CDS1: variants seen among roughly 807,000 people sequenced by gnomAD.
The protein encoded by CDS1 is CDP-diacylglycerol synthase 1.
In CDS1, 41 loss-of-function variants were observed where a neutral mutation model predicts 62.1. The ratio of observed to expected loss-of-function variants is 0.66; its 90% CI spans 0.51 to 0.86. CDS1 has a LOEUF of 0.86. Ranked by LOEUF, CDS1 falls within the 40% of genes least tolerant of loss-of-function variation. The pLI is 0.00. For synonymous variants in CDS1, 185 were observed against 192.6 expected (o/e 0.96, Z 0.32); for missense variants, 470 against 550.1 (o/e 0.85, Z 1.46).
intron 1 of CDS1, among the ~76,000 whole-genome samples, chr4:84,601,188 G>C (rs200260111): frequency 1.4e-5 from 1 of 73,822 alleles, no homozygotes; most frequent in African/African-American, 4.8e-5. Context: ...AAAAAAAAAA[G>C]AGCAAAAGAA....
At chr4:84,584,492 C>T (rs1722355938) in intron 1 of CDS1, among the ~76,000 whole-genome samples, 1 of 152,182 alleles carries the variant, frequency 6.6e-6, no homozygotes, top group Non-Finnish European at 1.5e-5. Context: ...AGGTGGATTG[C>T]CCAAGGTCAA....
chr4:84,609,694 T>A (rs1403196379), intron 3 of CDS1, among the ~76,000 whole-genome samples, 169 bp downstream of exon 3: 1 of 152,206 alleles, frequency 6.6e-6, no homozygotes, highest in Non-Finnish European at 1.5e-5. Flanking sequence ...AACTTAATCT[T>A]TTCTGTTTGC....
chr4:84,604,657 C>T (rs1465715865), intron 2 of CDS1, among the ~76,000 whole-genome samples: 1 of 152,190 alleles, frequency 6.6e-6, no homozygotes, highest in Non-Finnish European at 1.5e-5. Context: ...ATTCTGAAGC[C>T]TGTGATCTAT....
rs138369864 is a variant in CDS1, at chr4:84,609,477, G to T, written c.294G>T (p.Ser98=). ...IRGILTLTMI[S]LFFLIIYMGS... ...GAATTCTCACTCTAACTATGATCTC[G>T]TTGTTTTTCCTGATCATCTATATGG... The change falls in exon 3 of 13, where the codon TCG becomes TCT. Residue 98 remains serine, a synonymous_variant. Transcript: ENST00000295887. 6 of 1,611,404 alleles carry T rather than the reference G, an allele frequency of 3.7e-6. No individual in the cohort carries two copies. Among genetic ancestry groups the T allele is most frequent in the African/African-American group, 1.3e-5 (1 of 74,850 alleles).
At chr4:84,628,775 T>G (rs897732065) in intron 5 of CDS1, among the ~76,000 whole-genome samples, 7 of 152,190 alleles carry the variant, frequency 4.6e-5, no homozygotes, top group African/African-American at 1.7e-4. Flanking sequence ...CCTCAAGCAG[T>G]CCTCCTTCCT....
chr4:84,604,842 T>G (rs1367306310), intron 2 of CDS1, among the ~76,000 whole-genome samples: 4 of 152,164 alleles, frequency 2.6e-5, no homozygotes, highest in African/African-American at 9.7e-5. Context: ...GGTCTTAAAC[T>G]CCTGGGCTCA....
Position 84,609,477 on chromosome 4 carries a change from G to A in CDS1, c.294G>A (p.Ser98=), listed in dbSNP as rs138369864. 606 of 1,611,504 alleles carry A rather than the reference G, an allele frequency of 3.8e-4. 2 individuals are homozygous for A. The highest frequency in any genetic ancestry group is 3.1e-3 in the African/African-American group (235 of 74,968). The part of the protein sequence containing the change: ...IRGILTLTMI[S]LFFLIIYMGS... ...GAATTCTCACTCTAACTATGATCTC[G>A]TTGTTTTTCCTGATCATCTATATGG... is the stretch of plus-strand genomic sequence containing the variant. The change falls in exon 3 of 13, where the codon TCG becomes TCA. Residue 98 remains serine (S), a synonymous_variant. Coordinates refer to ENST00000295887, the MANE Select transcript of CDS1 (RefSeq NM_001263.4).
chr4:84,644,064 G>C (rs982716852), intron 11 of CDS1, among the ~76,000 whole-genome samples: 1 of 152,160 alleles, frequency 6.6e-6, no homozygotes, highest in Non-Finnish European at 1.5e-5. Context: ...GTGTGGCTGT[G>C]GTTGAGAGTA....
chr4:84,620,023 TAAAAA>T (rs34828724), intron 5 of CDS1, among the ~76,000 whole-genome samples: 1 of 121,390 alleles, frequency 8.2e-6, no homozygotes, highest in African/African-American at 3.0e-5. Flanking sequence ...AACTCTTATC[TAAAAA>T]AAAAAAAAAA....
At chr4:84,586,922 A>G (rs1230819762) in intron 1 of CDS1, among the ~76,000 whole-genome samples, 1 of 152,194 alleles carries the variant, frequency 6.6e-6, no homozygotes, top group South Asian at 2.1e-4. Context: ...TTTGTATGAA[A>G]GTCAAATGAG....
At chr4:84,643,220 C>T (rs1031949154) in intron 11 of CDS1, 77 bp downstream of exon 11, 50 of 1,426,382 alleles carry the variant, frequency 3.5e-5, no homozygotes, top group Non-Finnish European at 4.3e-5. Flanking sequence ...TTGGTCCGCT[C>T]ATGATCTACA....
intron 11 of CDS1, among the ~76,000 whole-genome samples, chr4:84,643,408 C>G (rs1448889598): frequency 1.3e-5 from 2 of 152,092 alleles, no homozygotes; most frequent in African/African-American, 2.4e-5. Context: ...TGGAATAGAC[C>G]CAGAATCTTG....
At chr4:84,613,085 GATAT>G (rs145991468) in intron 3 of CDS1, among the ~76,000 whole-genome samples, 1 of 148,164 alleles carries the variant, frequency 6.7e-6, no homozygotes, top group South Asian at 2.1e-4. Context: ...TACATGCATA[GATAT>G]ATATATATAT....
intron 1 of CDS1, among the ~76,000 whole-genome samples, chr4:84,590,057 C>T (rs1434980240): frequency 1.3e-5 from 2 of 152,110 alleles, no homozygotes; most frequent in African/African-American, 2.4e-5. Flanking sequence ...GTGATCTGCC[C>T]GCCTTGGCCT....
rs774604841 is a variant in CDS1, at chr4:84,583,377, C to T, written c.-25C>T. 6.5e-7 allele frequency: 1 copy of T among 1,548,618 alleles called. No homozygotes were observed. Among genetic ancestry groups the T allele is most frequent in the Non-Finnish European group, 8.9e-7 (1 of 1,126,630 alleles). ...CAGGTTTCGGGGTGCTTGAGGAGGCCGCCACGGCAGCGCGGGAGCGGAAGA... is the reference window on the plus strand; with the variant it reads ...CAGGTTTCGGGGTGCTTGAGGAGGCTGCCACGGCAGCGCGGGAGCGGAAGA... On this transcript the variant is annotated 5_prime_UTR_variant, in exon 1 of 13. Transcript: ENST00000295887.
intron 10 of CDS1, among the ~76,000 whole-genome samples, chr4:84,642,295 T>C (rs1163552854): frequency 1.3e-5 from 2 of 148,302 alleles, no homozygotes; most frequent in Non-Finnish European, 3.0e-5. Context: ...CATTGCACTC[T>C]AGCCTGGGCA....
chr4:84,621,035 G>A (rs1009547736), intron 5 of CDS1, among the ~76,000 whole-genome samples: 1 of 152,146 alleles, frequency 6.6e-6, no homozygotes, highest in Admixed American at 6.5e-5. Flanking sequence ...ACTCCAGCCT[G>A]GGCAACAAGA....
chr4:84,643,008 T>C lies in CDS1; in HGVS notation c.1033-16T>C. The C allele has an allele frequency of 6.3e-7, 1 of 1,575,746 alleles. No individual in the cohort carries two copies. Among genetic ancestry groups the C allele is most frequent in the Non-Finnish European group, 8.7e-7 (1 of 1,155,364 alleles). Reference sequence around the variant, plus strand: ...GTGAAATTAGCCCCTCTCCTCCCCTTCTTTCTCCTCTTTAGGAAAGAGTGA... The same window carrying C: ...GTGAAATTAGCCCCTCTCCTCCCCTCCTTTCTCCTCTTTAGGAAAGAGTGA... On this transcript the variant is annotated splice_polypyrimidine_tract_variant and intron_variant, in intron 10 of 12. Coordinates refer to ENST00000295887, the MANE Select transcript of CDS1 (RefSeq NM_001263.4).
chr4:84,595,500 A>T (rs1483928921), intron 1 of CDS1, among the ~76,000 whole-genome samples: 1 of 152,218 alleles, frequency 6.6e-6, no homozygotes, highest in Non-Finnish European at 1.5e-5. Context: ...GACAAGAAAA[A>T]AATCTATGTG....
Sources: allele counts gnomAD v4.1 joint callset (sites outside exome capture counted in the v4.1 genomes callset), GRCh38; gene constraint gnomAD v4.1.1; transcripts MANE v1.5; gene names NCBI Gene and HGNC (gene_info 2026-07-23, HGNC 2026-07-21).